The following CCDC102B variants were observed in gnomAD, a reference collection of about 807,000 sequenced individuals.
CCDC102B encodes the protein coiled-coil domain containing 102B.
CCDC102B carries 75 observed loss-of-function variants against 57.4 expected under a neutral mutation model. The observed-to-expected ratio is 1.31, with a 90% CI of 1.08 to 1.58. The LOEUF is 1.58. Ranked by LOEUF, CCDC102B falls within the 40% of genes most tolerant of loss-of-function variation. The pLI is 0.00. For synonymous variants in CCDC102B, 206 were observed against 201.9 expected (o/e 1.02, Z -0.17); for missense variants, 636 against 582.6 (o/e 1.09, Z -0.94).
At chr18:68,934,779 G>A (rs2041788874) in intron 6 of CCDC102B, among the ~76,000 whole-genome samples, 1 of 151,646 alleles carries the variant, frequency 6.6e-6, no homozygotes, top group South Asian at 2.1e-4. Flanking sequence ...TGATGTTTAT[G>A]TAAAGCTTTA....
intron 5 of CCDC102B, among the ~76,000 whole-genome samples, chr18:68,876,540 A>T (rs965519799): frequency 1.3e-5 from 2 of 152,216 alleles, no homozygotes; most frequent in Non-Finnish European, 2.9e-5. Flanking sequence ...AGATTGTCAC[A>T]GTAGGTGTTG....
intron 6 of CCDC102B, among the ~76,000 whole-genome samples, chr18:68,906,918 T>C (rs200280124): frequency 1.2e-5 from 1 of 85,072 alleles, no homozygotes; most frequent in African/African-American, 5.5e-5. Context: ...CTATGTTTAT[T>C]TCTGATACTT....
At position 68,943,616 on chromosome 18, in the gene CCDC102B, T is replaced by G. The variant is rs536405224; in HGVS notation, c.1263+46188T>G. On this transcript the variant is annotated intron_variant, in intron 6 of 7. Coordinates refer to ENST00000360242, the MANE Select transcript of CCDC102B (RefSeq NM_024781.3). Reference sequence around the variant, plus strand: ...TAAAGACGTTGTTCATTCAACAATATAGAGTACCAGACACTGAATGAGTAC... The same window carrying G: ...TAAAGACGTTGTTCATTCAACAATAGAGAGTACCAGACACTGAATGAGTAC... Among the ~76,000 whole-genome samples the G allele has an allele frequency of 7.9e-5, 12 of 152,262 alleles. No individual in the cohort carries two copies. The East Asian group carries it at 1.9e-3, about 25-fold the overall frequency.
At chr18:68,723,287 A>G (rs2032439673) in intron 2 of CCDC102B, among the ~76,000 whole-genome samples, 1 of 152,114 alleles carries the variant, frequency 6.6e-6, no homozygotes, top group Non-Finnish European at 1.5e-5. Context: ...TTGGGTGGGG[A>G]CACAGGACCA....
At chr18:69,043,219 C>A (rs1198430636) in intron 7 of CCDC102B, among the ~76,000 whole-genome samples, 1 of 152,172 alleles carries the variant, frequency 6.6e-6, no homozygotes, top group Non-Finnish European at 1.5e-5. Flanking sequence ...TTGCTGCCCA[C>A]ATGTCCCACC....
At chr18:69,051,941 T>C (rs2052717082) in intron 7 of CCDC102B, among the ~76,000 whole-genome samples, 1 of 151,156 alleles carries the variant, frequency 6.6e-6, no homozygotes, top group African/African-American at 2.4e-5. Context: ...ATAGTGAAAA[T>C]ACAGAATAAC....
At chr18:68,913,507 C>A (rs1247803281) in intron 6 of CCDC102B, among the ~76,000 whole-genome samples, 7 of 151,892 alleles carry the variant, frequency 4.6e-5, no homozygotes, top group Non-Finnish European at 1.0e-4. Context: ...ATTAGCCAGG[C>A]ATCATGGCAC....
intron 1 of CCDC102B, among the ~76,000 whole-genome samples, chr18:68,822,659 A>G (rs1381594949): frequency 6.6e-6 from 1 of 152,054 alleles, no homozygotes. Context: ...CACAATGTCT[A>G]TTGTTTCCAT....
chr18:68,846,323 G>T lies in CCDC102B; in HGVS notation c.838G>T (p.Ala280Ser). The change falls in exon 4 of 8, where the codon GCT (alanine) becomes TCT (serine). Residue 280 changes from alanine (A) to serine (S), a missense_variant. Coordinates refer to ENST00000360242, the MANE Select transcript of CCDC102B (RefSeq NM_024781.3). ...TCTTAAATTATTTAGAATGCGCACAGCTTTGGAAAAAGAAATAGAGAGACT... is the reference window on the plus strand; with the variant it reads ...TCTTAAATTATTTAGAATGCGCACATCTTTGGAAAAAGAAATAGAGAGACT... ...ILWKEREMRT[A>S]LEKEIERLES... The T allele has an allele frequency of 6.4e-7, 1 of 1,555,512 alleles. No homozygotes were observed.
downstream of CCDC102B, among the ~76,000 whole-genome samples, chr18:69,056,794 G>T (rs77768274): frequency 6.6e-6 from 1 of 151,840 alleles, no homozygotes; most frequent in Non-Finnish European, 1.5e-5. Flanking sequence ...ACCACCTTAC[G>T]CTTTCTAAGT....
At chr18:69,024,273 G>A (rs2051924760) in intron 7 of CCDC102B, among the ~76,000 whole-genome samples, 1 of 151,898 alleles carries the variant, frequency 6.6e-6, no homozygotes, top group South Asian at 2.1e-4. Context: ...AGACATTTTG[G>A]TTACCTAAAG....
chr18:69,002,867 T>G (rs1244004576), intron 6 of CCDC102B, among the ~76,000 whole-genome samples: 2 of 152,194 alleles, frequency 1.3e-5, no homozygotes, highest in Non-Finnish European at 2.9e-5. Context: ...TTACCCTGTC[T>G]GCCCACAACT....
At chr18:68,898,073 T>C (rs532624513) in intron 6 of CCDC102B, among the ~76,000 whole-genome samples, 4 of 152,090 alleles carry the variant, frequency 2.6e-5, no homozygotes, top group Non-Finnish European at 5.9e-5. Context: ...TTTTTGATAG[T>C]TTACAGATTT....
At chr18:68,769,797 G>A (rs1199992854) in intron 2 of CCDC102B, among the ~76,000 whole-genome samples, 7 of 152,186 alleles carry the variant, frequency 4.6e-5, no homozygotes, top group Admixed American at 4.6e-4. Flanking sequence ...TGAGGCTGTA[G>A]AGATAGAATG....
chr18:68,833,296 T>G (rs1308252269), intron 1 of CCDC102B, among the ~76,000 whole-genome samples: 1 of 152,196 alleles, frequency 6.6e-6, no homozygotes, highest in South Asian at 2.1e-4. Context: ...TTCCACTGAT[T>G]GATATCAACA....
chr18:68,911,462 A>G (rs1180066665), intron 6 of CCDC102B, among the ~76,000 whole-genome samples: 1 of 151,990 alleles, frequency 6.6e-6, no homozygotes, highest in Non-Finnish European at 1.5e-5. Flanking sequence ...GATGGAGAAG[A>G]TCAGAAAAGG....
intron 2 of CCDC102B, among the ~76,000 whole-genome samples, chr18:68,779,459 AAAT>A (rs1488400682): frequency 2.6e-5 from 4 of 152,180 alleles, no homozygotes; most frequent in Admixed American, 6.6e-5. Flanking sequence ...AGTATGAAGA[AAAT>A]AATAAAGATT....
Position 68,920,683 on chromosome 18 carries a change from A to G in CCDC102B, c.1263+23255A>G, listed in dbSNP as rs1049295878. 3.3e-5 allele frequency among the ~76,000 whole-genome samples: 5 copies of G among 152,242 alleles called. No homozygotes were observed. The South Asian group carries it at 8.3e-4, about 25-fold the overall frequency. ...GGGAGGCCTCAGGAAACTTACAATC[A>G]TGGAGGAAGGCAAAGGAGAAGCAGG... On this transcript the variant is annotated intron_variant, in intron 6 of 7. Transcript: ENST00000360242.
chr18:68,821,729 A>G (rs1240596919), intron 1 of CCDC102B, among the ~76,000 whole-genome samples: 1 of 151,882 alleles, frequency 6.6e-6, no homozygotes, highest in Non-Finnish European at 1.5e-5. Flanking sequence ...ACATATATGT[A>G]TTTTTTCTAT....
Sources: allele counts gnomAD v4.1 joint callset (sites outside exome capture counted in the v4.1 genomes callset), GRCh38; gene constraint gnomAD v4.1.1; transcripts MANE v1.5; gene names NCBI Gene and HGNC (gene_info 2026-07-23, HGNC 2026-07-21).